HNRNPA1L2: variants seen among roughly 807,000 people sequenced by gnomAD.
The protein encoded by HNRNPA1L2 is heterogeneous nuclear ribonucleoprotein A1-like 2.
HNRNPA1L2 carries 10 observed loss-of-function variants against 18.2 expected under a neutral mutation model. That is an observed-to-expected ratio of 0.55 (90% CI 0.34 to 0.93). HNRNPA1L2 has a LOEUF of 0.93. Ranked by LOEUF, HNRNPA1L2 falls within the 40% of genes least tolerant of loss-of-function variation. The pLI is 0.02. For synonymous variants in HNRNPA1L2, 124 were observed against 138.6 expected (o/e 0.89, Z 0.74); for missense variants, 308 against 394.4 (o/e 0.78, Z 1.85).
At chr13:52,633,174 T>A in the HNRNPA1L2 span, among the ~76,000 whole-genome samples, 2 of 152,236 alleles carry the variant, frequency 1.3e-5, no homozygotes, top group Non-Finnish European at 2.9e-5. Flanking sequence ...TATATCTCTA[T>A]GCTATTACAT....
At chr13:52,642,395 A>T, upstream of HNRNPA1L2, 2 of 1,472,960 alleles carry the variant, frequency 1.4e-6, no homozygotes, top group East Asian at 2.3e-5. Flanking sequence ...TCATCCAAAT[A>T]CTCTATCCAG....
the HNRNPA1L2 span, among the ~76,000 whole-genome samples, chr13:52,636,624 T>G: frequency 6.6e-6 from 1 of 152,222 alleles, no homozygotes; most frequent in Non-Finnish European, 1.5e-5. Context: ...TTAACAGTAG[T>G]ACATTAGTGA....
Position 52,643,173 on chromosome 13 carries a change from C to T in HNRNPA1L2, c.681C>T (p.Gly227=), listed in dbSNP as rs779635665. Residue 227 remains glycine, a synonymous_variant, in exon 1 of 1, where the codon GGC becomes GGT. Coordinates refer to ENST00000357495, the MANE Select transcript of HNRNPA1L2 (RefSeq NM_001389320.1). ...GRGGNFSGRG[G]FGGSCGGGGY... ...GAGGAAACTTCAGTGGTCGTGGTGGCTTTGGTGGCAGCTGTGGTGGTGGTG... is the reference window on the plus strand; with the variant it reads ...GAGGAAACTTCAGTGGTCGTGGTGGTTTTGGTGGCAGCTGTGGTGGTGGTG... The T allele has an allele frequency of 8.8e-6, 14 of 1,597,744 alleles. No individual in the cohort carries two copies. The highest frequency in any genetic ancestry group is 1.2e-5 in the Non-Finnish European group (14 of 1,179,818).
the HNRNPA1L2 span, among the ~76,000 whole-genome samples, chr13:52,619,387 G>A: frequency 2.6e-5 from 4 of 151,422 alleles, no homozygotes; most frequent in Non-Finnish European, 5.9e-5. Flanking sequence ...ATCTTGGCTC[G>A]CTGCAACCTC....
upstream of HNRNPA1L2, among the ~76,000 whole-genome samples, chr13:52,640,534 C>T (rs1961624741): frequency 6.6e-6 from 1 of 152,190 alleles, no homozygotes; most frequent in Admixed American, 6.5e-5. Context: ...CCCAACCTGT[C>T]ATTTTAAGTT....
At chr13:52,628,585 G>A in the HNRNPA1L2 span, among the ~76,000 whole-genome samples, 13 of 152,142 alleles carry the variant, frequency 8.5e-5, no homozygotes, top group Non-Finnish European at 1.9e-4. Context: ...ATTGAATATA[G>A]GTGATAGGCA....
the HNRNPA1L2 span, among the ~76,000 whole-genome samples, chr13:52,621,628 G>T: frequency 6.6e-6 from 1 of 152,126 alleles, no homozygotes; most frequent in Admixed American, 6.5e-5. Context: ...CAAGGAGCAG[G>T]TGATCAATAT....
chr13:52,617,543 C>T, the HNRNPA1L2 span: 1 of 425,378 alleles, frequency 2.4e-6, no homozygotes, highest in Non-Finnish European at 4.3e-6. Context: ...TCCTGGATGG[C>T]TTTATGTCTC....
the HNRNPA1L2 span, among the ~76,000 whole-genome samples, chr13:52,628,440 C>T: frequency 1.3e-5 from 2 of 151,878 alleles, no homozygotes; most frequent in Admixed American, 6.6e-5. Context: ...GAGACCCTGT[C>T]TCTGAAAGAA....
At chr13:52,619,939 A>G in the HNRNPA1L2 span, among the ~76,000 whole-genome samples, 1 of 151,294 alleles carries the variant, frequency 6.6e-6, no homozygotes, top group South Asian at 2.1e-4. Context: ...AAAAAAAAAA[A>G]AAAAGAATAA....
chr13:52,617,529 G>C, the HNRNPA1L2 span: 5 of 412,690 alleles, frequency 1.2e-5, no homozygotes, highest in African/African-American at 8.2e-5. Context: ...CTGTTCAGTT[G>C]CTCTCCTGGA....
chr13:52,642,556 A>G lies in HNRNPA1L2; in HGVS notation c.64A>G (p.Ser22Gly). 1.2e-6 allele frequency: 2 copies of G among 1,611,792 alleles called. No individual in the cohort carries two copies. The highest frequency in any genetic ancestry group is 1.7e-6 in the Non-Finnish European group (2 of 1,179,826). Reference protein sequence around the residue: ...QLRKLFIGGLSFETTDESLRS... With the variant: ...QLRKLFIGGLGFETTDESLRS... ...GAGGAAGCTCTTCATTGGAGGGTTGAGCTTTGAAACAACTGATGAGAGCCT... is the reference window on the plus strand; with the variant it reads ...GAGGAAGCTCTTCATTGGAGGGTTGGGCTTTGAAACAACTGATGAGAGCCT... The change falls in exon 1 of 1, where the codon AGC (serine) becomes GGC (glycine). Residue 22 changes from serine (S) to glycine (G), a missense_variant. Physicochemically the swap from Ser to Gly is moderately conservative, Grantham distance 56. Transcript: ENST00000357495.
the HNRNPA1L2 span, among the ~76,000 whole-genome samples, chr13:52,631,251 C>A: frequency 6.6e-6 from 1 of 152,182 alleles, no homozygotes; most frequent in African/African-American, 2.4e-5. Context: ...ACCGGGGCAC[C>A]TTTTATAGCC....
chr13:52,618,862 G>A, the HNRNPA1L2 span, among the ~76,000 whole-genome samples: 1 of 152,120 alleles, frequency 6.6e-6, no homozygotes, highest in Non-Finnish European at 1.5e-5. Flanking sequence ...TTAGTGTTAT[G>A]GAGTTACTTA....
At chr13:52,638,685 T>C (rs1346020514), upstream of HNRNPA1L2, among the ~76,000 whole-genome samples, 1 of 152,282 alleles carries the variant, frequency 6.6e-6, no homozygotes. Context: ...GCCTATTAAA[T>C]TGGGAAGATT....
Position 52,643,452 on chromosome 13 carries a change from T to C in HNRNPA1L2, c.960T>C (p.Phe320=), listed in dbSNP as rs200597332. 2,592 of 1,597,200 alleles carry C rather than the reference T, an allele frequency of 1.6e-3. 4 individuals carry two copies. The highest frequency in any genetic ancestry group is 1.8e-3 in the Non-Finnish European group (2,117 of 1,179,208). Residue 320 remains phenylalanine, a synonymous_variant, in exon 1 of 1, where the codon TTT becomes TTC. Transcript: ENST00000357495. The stretch of plus-strand genomic sequence containing the variant: ...GTAGCTATGGCAGTGGCAGAAGATT[T>C]TAATTAGGAAACAAAGCTTAGCAGG... The part of the protein sequence containing the change: ...SSSSYGSGRR[F]
the HNRNPA1L2 span, among the ~76,000 whole-genome samples, chr13:52,619,292 C>A: frequency 6.6e-6 from 1 of 151,242 alleles, no homozygotes; most frequent in African/African-American, 2.4e-5. Flanking sequence ...CACGCCCGGC[C>A]AACTTTATTT....
the HNRNPA1L2 span, among the ~76,000 whole-genome samples, chr13:52,620,890 AT>A: frequency 3.3e-5 from 5 of 150,154 alleles, no homozygotes; most frequent in African/African-American, 7.3e-5. Flanking sequence ...AAAAAAAAAA[AT>A]AATTTCTATA....
upstream of HNRNPA1L2, among the ~76,000 whole-genome samples, chr13:52,640,466 A>C (rs866012790): frequency 6.6e-6 from 1 of 152,246 alleles, no homozygotes; most frequent in South Asian, 2.1e-4. Context: ...CATTCAAGTT[A>C]GAAAAGTACT....
Sources: gnomAD v4.1 joint callset for allele counts (sites outside exome capture counted in the v4.1 genomes callset) on GRCh38, gnomAD v4.1.1 for gene constraint, MANE v1.5 for transcripts, NCBI Gene and HGNC (gene_info 2026-07-23, HGNC 2026-07-21) for gene names.